FOXL1: variants seen among roughly 807,000 people sequenced by gnomAD.
FOXL1 encodes the protein forkhead box L1.
Under a neutral mutation model 1.7 loss-of-function variants are expected in FOXL1, and 2 were observed. That is an observed-to-expected ratio of 1.21 (90% CI 0.49 to 3.80). FOXL1 has a LOEUF of 3.80. Among genes scored for constraint, FOXL1 ranks in the 30% most tolerant of loss-of-function variants. The probability of loss-of-function intolerance (pLI) is 0.07; values close to 1 mark genes in which losing one functional copy is unlikely to be tolerated. For missense variants in FOXL1, 565 were observed against 495.8 expected (o/e 1.14, Z -1.32); for synonymous variants, 280 against 229.3 (o/e 1.22, Z -2.00).
Position 86,582,230 on chromosome 16 carries a change from C to G in FOXL1, c.*2469C>G, listed in dbSNP as rs1330064764. 1 of 152,170 alleles carries G rather than the reference C, an allele frequency of 6.6e-6. No individual in the cohort carries two copies. The highest frequency in any genetic ancestry group is 1.5e-5 in the Non-Finnish European group (1 of 68,032). 9.4% of individuals were successfully genotyped at this position (152,170 alleles called of 1,614,324 possible). ...CGTTTTTATGTAATCTATATAATTG[C>G]ATGTGTATTCCTTCCTCCTGAACCA... On this transcript the variant is annotated 3_prime_UTR_variant, in exon 1 of 1. Transcript: ENST00000320241.
Position 86,579,784 on chromosome 16 carries a change from C to T in FOXL1, c.*23C>T, listed in dbSNP as rs1435094931. On this transcript the variant is annotated 3_prime_UTR_variant, in exon 1 of 1. Coordinates refer to ENST00000320241, the MANE Select transcript of FOXL1 (RefSeq NM_005250.3). ...TAAAGCAAACAATGGCACGGTTCTTCTCCCGGCCCAGCCTGAGCCTCCGCT... is the reference window on the plus strand; with the variant it reads ...TAAAGCAAACAATGGCACGGTTCTTTTCCCGGCCCAGCCTGAGCCTCCGCT... 1 of 1,597,186 alleles carries T rather than the reference C, an allele frequency of 6.3e-7. No individual in the cohort carries two copies. Among genetic ancestry groups the T allele is most frequent in the Non-Finnish European group, 8.6e-7 (1 of 1,166,884 alleles).
In FOXL1 at chr16:86,581,673, A is replaced by G. The variant is rs1459538671; in HGVS notation, c.*1912A>G. 3.0e-5 allele frequency: 5 copies of G among 167,276 alleles called. No individual in the cohort carries two copies. In the East Asian group the frequency reaches 9.6e-4, roughly 32 times the overall value. The allele number at this position is 167,276 out of a possible 1,614,324, so 10.4% of individuals were successfully genotyped here. On this transcript the variant is annotated 3_prime_UTR_variant, in exon 1 of 1. Coordinates refer to ENST00000320241, the MANE Select transcript of FOXL1 (RefSeq NM_005250.3). Reference sequence around the variant, plus strand: ...TCCCAAACTCTCAGCCTCTGTGAATAAAGTTGTTTTTTCATTAACCTCTCA... The same window carrying G: ...TCCCAAACTCTCAGCCTCTGTGAATGAAGTTGTTTTTTCATTAACCTCTCA...
chr16:86,582,894 T>C lies in FOXL1; in HGVS notation c.*3133T>C, dbSNP rs367724071. The stretch of plus-strand genomic sequence containing the variant: ...AACCAGGGATAACTTTATTGTTCTG[T>C]GTTAGTATAGTGAAACTGACAGATT... On this transcript the variant is annotated 3_prime_UTR_variant, in exon 1 of 1. Transcript: ENST00000320241. 3.9e-5 allele frequency among the ~76,000 whole-genome samples: 6 copies of C among 152,026 alleles called. No homozygotes were observed. The highest frequency in any genetic ancestry group is 1.4e-4 in the African/African-American group (6 of 41,446).
Position 86,579,148 on chromosome 16 carries a change from A to G in FOXL1, c.425A>G (p.Lys142Arg). 6.2e-7 allele frequency: 1 copy of G among 1,612,818 alleles called. No individual in the cohort carries two copies. The change falls in exon 1 of 1, where the codon AAG (lysine) becomes AGG (arginine). Residue 142 changes from lysine (K) to arginine (R), a missense_variant. By Grantham distance (26) the Lys-to-Arg change is conservative (BLOSUM62 2). Transcript: ENST00000320241. Reference sequence around the variant, plus strand: ...GAGAACGGCAACTACCGGCGCCGGAAGAGGAAGCCCAAGCCGGGCCCCGGG... The same window carrying G: ...GAGAACGGCAACTACCGGCGCCGGAGGAGGAAGCCCAAGCCGGGCCCCGGG... ...MFENGNYRRRKRKPKPGPGAP... is the reference protein window; with the variant it reads ...MFENGNYRRRRRKPKPGPGAP...
At position 86,579,606 on chromosome 16, in the gene FOXL1, G is replaced by C. The variant is rs1043173385; in HGVS notation, c.883G>C (p.Ala295Pro). The C allele has an allele frequency of 1.9e-6, 3 of 1,613,018 alleles. No individual in the cohort carries two copies. The highest frequency in any genetic ancestry group is 2.7e-5 in the African/African-American group (2 of 74,938). Residue 295 changes from alanine to proline, a missense_variant, in exon 1 of 1, where the codon GCC (alanine) becomes CCC (proline). Transcript: ENST00000320241. ...GCCTGGGCCCGGCGGCCGTCTGGGT[G>C]CCTCGCTCCTGGCCGCCTCCTCCAG... ...AKPGPGGRLGASLLAASSSLR... is the reference protein window; with the variant it reads ...AKPGPGGRLGPSLLAASSSLR...
chr16:86,579,284 G>C lies in FOXL1; in HGVS notation c.561G>C (p.Gln187His). The change falls in exon 1 of 1, where the codon CAG (glutamine) becomes CAC (histidine). Residue 187 changes from glutamine to histidine, a missense_variant. Transcript: ENST00000320241. ...CGGGCCCCGCAATCTCCCGCCTGCAGGCAGCGCCCGCGGGCCCCTCGCCCC... is the reference window on the plus strand; with the variant it reads ...CGGGCCCCGCAATCTCCCGCCTGCACGCAGCGCCCGCGGGCCCCTCGCCCC... ...GGSGPAISRL[Q>H]AAPAGPSPLL... 1 of 1,311,452 alleles carries C rather than the reference G, an allele frequency of 7.6e-7. No homozygotes were observed. Among genetic ancestry groups the C allele is most frequent in the Non-Finnish European group, 9.7e-7 (1 of 1,026,466 alleles). 81.2% of individuals were successfully genotyped at this position (1,311,452 alleles called of 1,614,324 possible).
Position 86,579,944 on chromosome 16 carries a change from T to G in FOXL1, c.*183T>G. The G allele has an allele frequency of 1.6e-6, 1 of 638,734 alleles. No individual in the cohort carries two copies. Among genetic ancestry groups the G allele is most frequent in the South Asian group, 2.0e-5 (1 of 49,174 alleles). The allele number at this position is 638,734 out of a possible 1,614,324, so 39.6% of individuals were successfully genotyped here. A position where few individuals can be genotyped will look rare whatever the true frequency, so the allele number is the denominator to read the frequency against. The stretch of plus-strand genomic sequence containing the variant: ...CTCGCCTGCCTTCTCCGAAGCAAAC[T>G]TTTCCCAGCAACTGGGAGCAGCTAC... On this transcript the variant is annotated 3_prime_UTR_variant, in exon 1 of 1. Coordinates refer to ENST00000320241, the MANE Select transcript of FOXL1 (RefSeq NM_005250.3).
At position 86,581,947 on chromosome 16, in the gene FOXL1, G is replaced by A. The variant is rs1974418978; in HGVS notation, c.*2186G>A. 1 of 152,112 alleles carries A rather than the reference G, an allele frequency of 6.6e-6. No individual in the cohort carries two copies. Among genetic ancestry groups the A allele is most frequent in the Non-Finnish European group, 1.5e-5 (1 of 67,982 alleles). The allele number at this position is 152,112 out of a possible 1,614,324, so 9.4% of individuals were successfully genotyped here. ...TTAATCTTTCCTTTTTCTTTTTTGTGTTTGTATGTTATCTTGGGAGGTTTT... is the reference window on the plus strand; with the variant it reads ...TTAATCTTTCCTTTTTCTTTTTTGTATTTGTATGTTATCTTGGGAGGTTTT... On this transcript the variant is annotated 3_prime_UTR_variant, in exon 1 of 1. Transcript: ENST00000320241.
chr16:86,579,186 A>C lies in FOXL1; in HGVS notation c.463A>C (p.Lys155Gln), dbSNP rs1312747579. The C allele has an allele frequency of 3.1e-6, 5 of 1,600,844 alleles. No homozygotes were observed. Among genetic ancestry groups the C allele is most frequent in the Non-Finnish European group, 3.4e-6 (4 of 1,174,516 alleles). Residue 155 changes from lysine (K) to glutamine (Q), a missense_variant, in exon 1 of 1, where the codon AAG becomes CAG. By Grantham distance (53) the Lys-to-Gln change is moderately conservative. Transcript: ENST00000320241. The part of the protein sequence containing the change: ...PKPGPGAPEA[K>Q]RPRAETHQRS... Reference sequence around the variant, plus strand: ...GCCGGGCCCCGGGGCCCCGGAGGCCAAGAGGCCCCGCGCCGAGACGCACCA... The same window carrying C: ...GCCGGGCCCCGGGGCCCCGGAGGCCCAGAGGCCCCGCGCCGAGACGCACCA...
At position 86,582,617 on chromosome 16, in the gene FOXL1, A is replaced by G. The variant is rs888138804; in HGVS notation, c.*2856A>G. 6.6e-5 allele frequency among the ~76,000 whole-genome samples: 10 copies of G among 152,106 alleles called. No individual in the cohort carries two copies. The highest frequency in any genetic ancestry group is 2.1e-4 in the South Asian group (1 of 4,810). ...TAACAAAGTGTGTATACATATGTAC[A>G]CGTTTATATATATGTATATACATAT... On this transcript the variant is annotated 3_prime_UTR_variant, in exon 1 of 1. Transcript: ENST00000320241.
chr16:86,578,909 C>A lies in FOXL1; in HGVS notation c.186C>A (p.Ile62=). Residue 62 remains isoleucine (I), a synonymous_variant, in exon 1 of 1, where the codon ATC becomes ATA. Transcript: ENST00000320241. ...YSYIALIAMA[I]QDAPEQRVTL... Reference sequence around the variant, plus strand: ...ACATCGCGCTCATCGCCATGGCGATCCAGGACGCGCCCGAGCAGAGGGTCA... The same window carrying A: ...ACATCGCGCTCATCGCCATGGCGATACAGGACGCGCCCGAGCAGAGGGTCA... 2 of 1,614,174 alleles carry A rather than the reference C, an allele frequency of 1.2e-6. No individual in the cohort carries two copies. Among genetic ancestry groups the A allele is most frequent in the Middle Eastern group, 3.3e-4 (2 of 6,062 alleles).
rs750851894 is a variant in FOXL1 at position 86,579,568 on chromosome 16, T to A, written c.845T>A (p.Leu282Gln). ...GQKPPSGDEL[L>Q]GGAKPGPGGR... is the part of the protein sequence containing the mutation. Reference sequence around the variant, plus strand: ...AAGCCGCCTTCAGGGGACGAACTCCTAGGGGGTGCCAAGCCTGGGCCCGGC... The same window carrying A: ...AAGCCGCCTTCAGGGGACGAACTCCAAGGGGGTGCCAAGCCTGGGCCCGGC... The change falls in exon 1 of 1, where the codon CTA (leucine) becomes CAA (glutamine). Residue 282 changes from leucine (L) to glutamine (Q), a missense_variant. By Grantham distance (113) the Leu-to-Gln change is moderately radical (BLOSUM62 -2). Coordinates refer to ENST00000320241, the MANE Select transcript of FOXL1 (RefSeq NM_005250.3). The A allele has an allele frequency of 8.7e-6, 14 of 1,612,756 alleles. No homozygotes were observed. The highest frequency in any genetic ancestry group is 1.1e-5 in the South Asian group (1 of 90,996).
Position 86,579,778 on chromosome 16 carries a change from G to C in FOXL1, c.*17G>C. On this transcript the variant is annotated 3_prime_UTR_variant, in exon 1 of 1. Coordinates refer to ENST00000320241, the MANE Select transcript of FOXL1 (RefSeq NM_005250.3). ...TTCCAGTAAAGCAAACAATGGCACG[G>C]TTCTTCTCCCGGCCCAGCCTGAGCC... The C allele has an allele frequency of 8.1e-6, 13 of 1,603,796 alleles. No individual in the cohort carries two copies. The highest frequency in any genetic ancestry group is 1.1e-5 in the Non-Finnish European group (13 of 1,172,256).
rs1974409844 is a variant in FOXL1 at position 86,581,168 on chromosome 16, C to T, written c.*1407C>T. 6.0e-6 allele frequency: 1 copy of T among 167,086 alleles called. No individual in the cohort carries two copies. Among genetic ancestry groups the T allele is most frequent in the Admixed American group, 6.5e-5 (1 of 15,286 alleles). 10.4% of individuals were successfully genotyped at this position (167,086 alleles called of 1,614,324 possible). A position where few individuals can be genotyped will look rare whatever the true frequency, so the allele number is the denominator to read the frequency against. On this transcript the variant is annotated 3_prime_UTR_variant, in exon 1 of 1. Coordinates refer to ENST00000320241, the MANE Select transcript of FOXL1 (RefSeq NM_005250.3). ...GCAGCTTCCGGGGAAATGCAACCGACCTCTATGCCATCTCTAGCTGGGTAA... is the reference window on the plus strand; with the variant it reads ...GCAGCTTCCGGGGAAATGCAACCGATCTCTATGCCATCTCTAGCTGGGTAA...
Position 86,582,175 on chromosome 16 carries a change from A to G in FOXL1, c.*2414A>G, listed in dbSNP as rs1974421781. On this transcript the variant is annotated 3_prime_UTR_variant, in exon 1 of 1. Transcript: ENST00000320241. ...TTTAATCCCAACTTTTGTCTGGTTT[A>G]GAAAAGCTAAGACAAGTGGATACTG... 1 of 152,242 alleles carries G rather than the reference A, an allele frequency of 6.6e-6. No homozygotes were observed. The highest frequency in any genetic ancestry group is 1.5e-5 in the Non-Finnish European group (1 of 68,040). 9.4% of individuals were successfully genotyped at this position (152,242 alleles called of 1,614,324 possible). A position where few individuals can be genotyped will look rare whatever the true frequency, so the allele number is the denominator to read the frequency against.
chr16:86,579,815 A>C lies in FOXL1; in HGVS notation c.*54A>C, dbSNP rs1351776108. Reference sequence around the variant, plus strand: ...GCCCAGCCTGAGCCTCCGCTGAGCGAAAGGCCACAGCTCCCACCGGCGGAG... The same window carrying C: ...GCCCAGCCTGAGCCTCCGCTGAGCGCAAGGCCACAGCTCCCACCGGCGGAG... On this transcript the variant is annotated 3_prime_UTR_variant, in exon 1 of 1. Transcript: ENST00000320241. 1 of 1,487,162 alleles carries C rather than the reference A, an allele frequency of 6.7e-7. No homozygotes were observed. The allele number at this position is 1,487,162 out of a possible 1,614,324, so 92.1% of individuals were successfully genotyped here.
rs1974412804 is a variant in FOXL1 at position 86,581,401 on chromosome 16, A to G, written c.*1640A>G. On this transcript the variant is annotated 3_prime_UTR_variant, in exon 1 of 1. Coordinates refer to ENST00000320241, the MANE Select transcript of FOXL1 (RefSeq NM_005250.3). ...CCTGTTGGTCAATGTGTTGGAAAGG[A>G]CATTTCAGGCCGGCAGAGTAATTGG... The G allele has an allele frequency of 6.0e-6, 1 of 167,116 alleles. No homozygotes were observed. The highest frequency in any genetic ancestry group is 6.5e-5 in the Admixed American group (1 of 15,292). The allele number at this position is 167,116 out of a possible 1,614,324, so 10.4% of individuals were successfully genotyped here.
rs1036310261 is a variant in FOXL1, at chr16:86,579,311, C to A, written c.588C>A (p.Leu196=). 6.9e-7 allele frequency: 1 copy of A among 1,457,970 alleles called. No homozygotes were observed. Among genetic ancestry groups the A allele is most frequent in the East Asian group, 2.9e-5 (1 of 34,542 alleles). The allele number at this position is 1,457,970 out of a possible 1,614,324, so 90.3% of individuals were successfully genotyped here. A position where few individuals can be genotyped will look rare whatever the true frequency, so the allele number is the denominator to read the frequency against. The change falls in exon 1 of 1, where the codon CTC becomes CTA. Residue 196 remains leucine, a synonymous_variant. Coordinates refer to ENST00000320241, the MANE Select transcript of FOXL1 (RefSeq NM_005250.3). ...CAGCGCCCGCGGGCCCCTCGCCCCTCCTGGACGGCCCCTCTCCGCCGGCGC... is the reference window on the plus strand; with the variant it reads ...CAGCGCCCGCGGGCCCCTCGCCCCTACTGGACGGCCCCTCTCCGCCGGCGC... The part of the protein sequence containing the change: ...LQAAPAGPSP[L]LDGPSPPAPL...
In FOXL1 at chr16:86,579,202, A is replaced by G. The variant is rs776561080; in HGVS notation, c.479A>G (p.Glu160Gly). The stretch of plus-strand genomic sequence containing the variant: ...CCGGAGGCCAAGAGGCCCCGCGCCG[A>G]GACGCACCAGCGCAGCGCGGAGGCG... Reference protein sequence around the residue: ...GAPEAKRPRAETHQRSAEAQP... With the variant: ...GAPEAKRPRAGTHQRSAEAQP... Residue 160 changes from glutamate (E) to glycine (G), a missense_variant, in exon 1 of 1, where the codon GAG (glutamate) becomes GGG (glycine). By Grantham distance (98) the Glu-to-Gly change is moderately conservative (BLOSUM62 -2). Transcript: ENST00000320241. The G allele has an allele frequency of 6.3e-7, 1 of 1,584,636 alleles. No individual in the cohort carries two copies. The highest frequency in any genetic ancestry group is 1.1e-5 in the South Asian group (1 of 89,330).
Sources: allele counts gnomAD v4.1 joint callset (sites outside exome capture counted in the v4.1 genomes callset), GRCh38; gene constraint gnomAD v4.1.1; transcripts MANE v1.5; gene names NCBI Gene and HGNC (gene_info 2026-07-23, HGNC 2026-07-21).